Variants in RNMT observed in about 807,000 individuals in gnomAD.
RNMT encodes mRNA cap guanine-N(7) methyltransferase.
RNMT carries 27 observed loss-of-function variants against 56.0 expected under a neutral mutation model. That is an observed-to-expected ratio of 0.48 (90% CI 0.36 to 0.67). The LOEUF is 0.67. Among genes scored for constraint, RNMT ranks in the 30% least tolerant of loss-of-function variants. RNMT has a pLI of 0.00. For missense variants in RNMT, 519 were observed against 552.1 expected, an observed-to-expected ratio of 0.94 and a Z score of 0.60; for synonymous variants, 184 against 176.2, an observed-to-expected ratio of 1.04 and a Z score of -0.35.
chr18:13,754,242 C>A, intron 11 of RNMT, 95 bp downstream of exon 11: 2 of 745,756 alleles, frequency 2.7e-6, no homozygotes, highest in Non-Finnish European at 4.5e-6. Context: ...CACTGTGGCT[C>A]ACACCAGTAC....
At chr18:13,742,358 G>C in intron 7 of RNMT, 130 bp from the exon 8 acceptor site, 1 of 731,446 alleles carries the variant, frequency 1.4e-6, no homozygotes, top group Non-Finnish European at 2.2e-6. Flanking sequence ...AAAAAAGGTA[G>C]CCCAGATATA....
chr18:13,734,325 A>G, intron 3 of RNMT, 139 bp from the exon 4 acceptor site: 1 of 674,244 alleles, frequency 1.5e-6, no homozygotes, highest in Non-Finnish European at 2.4e-6. Flanking sequence ...AATTAGTGAG[A>G]CTTCTGTGGT....
chr18:13,756,397 G>T (rs935487693), intron 11 of RNMT, among the ~76,000 whole-genome samples: 1 of 152,136 alleles, frequency 6.6e-6, no homozygotes, highest in African/African-American at 2.4e-5. Flanking sequence ...AGGACTGAGG[G>T]GTTGTTTGCA....
chr18:13,736,130 G>A (rs1205545249), intron 4 of RNMT, among the ~76,000 whole-genome samples: 1 of 152,164 alleles, frequency 6.6e-6, no homozygotes, highest in Non-Finnish European at 1.5e-5. Flanking sequence ...ATGCTATTAA[G>A]ATTCATGGCA....
intron 3 of RNMT, among the ~76,000 whole-genome samples, chr18:13,733,752 C>T (rs1260705838): frequency 2.0e-5 from 3 of 152,068 alleles, no homozygotes; most frequent in Non-Finnish European, 4.4e-5. Context: ...ATAGCTTATT[C>T]CTAATTTATT....
rs773102694 is a variant in RNMT at position 13,742,479 on chromosome 18, C to T, written c.975-9C>T. On this transcript the variant is annotated splice_polypyrimidine_tract_variant and intron_variant, in intron 7 of 11. Transcript: ENST00000383314. ...TCTTTTTATTTTGGTTGGGGGATAA[C>T]CTTGATAGAAGACGCCTTGAAGCTT... 1 of 1,611,258 alleles carries T rather than the reference C, an allele frequency of 6.2e-7. No individual in the cohort carries two copies. The highest frequency in any genetic ancestry group is 1.7e-5 in the Admixed American group (1 of 59,626).
intron 5 of RNMT, 36 bp from the exon 6 acceptor site, chr18:13,740,131 G>A (rs1221052458): frequency 8.0e-7 from 1 of 1,245,846 alleles, no homozygotes; most frequent in Admixed American, 1.7e-5. Context: ...CTGGCATTCT[G>A]TGTTGATACT....
At chr18:13,744,810 CTTCCTT>C (rs1472048494) in intron 8 of RNMT, among the ~76,000 whole-genome samples, 1 of 152,182 alleles carries the variant, frequency 6.6e-6, no homozygotes. Context: ...TCCTTCCACT[CTTCCTT>C]TAACTGCTGC....
intron 6 of RNMT, among the ~76,000 whole-genome samples, chr18:13,741,036 T>C (rs985916148): frequency 6.6e-6 from 1 of 152,260 alleles, no homozygotes; most frequent in Non-Finnish European, 1.5e-5. Context: ...CATTGACTTA[T>C]TGACTCACTG....
intron 11 of RNMT, 90 bp from the exon 12 acceptor site, chr18:13,759,852 T>A: frequency 8.5e-7 from 1 of 1,169,916 alleles, no homozygotes; most frequent in South Asian, 1.3e-5. Context: ...CTTGAGAGCC[T>A]AAGAATTTTC....
intron 5 of RNMT, 114 bp downstream of exon 5, chr18:13,737,249 T>A (rs560126408): frequency 4.8e-4 from 457 of 951,226 alleles, no homozygotes; most frequent in Non-Finnish European, 5.9e-4. Flanking sequence ...GGGTTTTTTT[T>A]AAATTAATTA....
intron 1 of RNMT, among the ~76,000 whole-genome samples, chr18:13,727,226 C>T (rs894245677): frequency 1.3e-5 from 2 of 152,216 alleles, no homozygotes; most frequent in Non-Finnish European, 2.9e-5. Flanking sequence ...TCCCGGCGGC[C>T]CTGGCGGCCT....
In RNMT at chr18:13,735,132, C is replaced by G. The variant is rs192597932; in HGVS notation, c.553+533C>G. The stretch of plus-strand genomic sequence containing the variant: ...TAAAAAAAAGAATATAATTATTGCT[C>G]TGTATATTTAGTGCATTAAGTAGAC... On this transcript the variant is annotated intron_variant, in intron 4 of 11. Coordinates refer to ENST00000383314, the MANE Select transcript of RNMT (RefSeq NM_003799.3). Among the ~76,000 whole-genome samples the G allele has an allele frequency of 6.6e-3, 1,010 of 152,140 alleles. 11 individuals are homozygous for G. Among genetic ancestry groups the G allele is most frequent in the Non-Finnish European group, 8.9e-3 (606 of 67,984 alleles).
chr18:13,739,636 T>G (rs930696305), intron 5 of RNMT, among the ~76,000 whole-genome samples: 2 of 152,048 alleles, frequency 1.3e-5, no homozygotes, highest in South Asian at 4.1e-4. Flanking sequence ...ATACAAAAAA[T>G]TAGCTGGGCA....
intron 10 of RNMT, among the ~76,000 whole-genome samples, chr18:13,753,816 TACACACAC>T (rs3138630): frequency 9.7e-5 from 14 of 144,496 alleles, no homozygotes; most frequent in Admixed American, 3.4e-4. Context: ...ATTTTCCAGT[TACACACAC>T]ACACACACAC....
chr18:13,737,692 G>C (rs2044185248), intron 5 of RNMT, among the ~76,000 whole-genome samples: 1 of 151,804 alleles, frequency 6.6e-6, no homozygotes, highest in South Asian at 2.1e-4. Context: ...GTTTCCATTG[G>C]CAAAAATAGG....
At position 13,761,425 on chromosome 18, in the gene RNMT, C is replaced by T. The variant is rs552426194; in HGVS notation, c.*1446C>T. On this transcript the variant is annotated 3_prime_UTR_variant, in exon 12 of 12. Coordinates refer to ENST00000383314, the MANE Select transcript of RNMT (RefSeq NM_003799.3). ...ATGCAGGTTCGTTTTCATTCTAGGG[C>T]AGTGCCAGGAAGTATATTGATAGCT... The T allele has an allele frequency of 1.1e-5, 11 of 985,428 alleles. No homozygotes were observed. The highest frequency in any genetic ancestry group is 1.7e-5 in the African/African-American group (1 of 57,230). 61.0% of individuals were successfully genotyped at this position (985,428 alleles called of 1,614,324 possible).
At chr18:13,727,559 A>G (rs1373924111) in intron 1 of RNMT, among the ~76,000 whole-genome samples, 8 of 152,306 alleles carry the variant, frequency 5.3e-5, no homozygotes, top group South Asian at 2.1e-4. Context: ...AATCAGGGCA[A>G]TTGGGATATT....
chr18:13,744,433 T>C (rs1208384491), intron 8 of RNMT, among the ~76,000 whole-genome samples: 1 of 152,084 alleles, frequency 6.6e-6, no homozygotes, highest in Non-Finnish European at 1.5e-5. Context: ...GTTTCATTTC[T>C]AAAGGGTTAT....
Sources: gnomAD v4.1 joint callset for allele counts (sites outside exome capture counted in the v4.1 genomes callset) on GRCh38, gnomAD v4.1.1 for gene constraint, MANE v1.5 for transcripts, NCBI Gene and HGNC (gene_info 2026-07-23, HGNC 2026-07-21) for gene names.